SLCO1B1: variants seen among roughly 807,000 people sequenced by gnomAD.
The protein encoded by SLCO1B1 is OATP-2.
SLCO1B1 carries 81 observed loss-of-function variants against 70.1 expected under a neutral mutation model. The observed-to-expected ratio is 1.16, with a 90% CI of 0.97 to 1.39. The LOEUF (loss-of-function observed/expected upper bound fraction) is 1.39, where lower values mean the gene tolerates loss of function less well. Ranked by LOEUF, SLCO1B1 falls within the 40% of genes most tolerant of loss-of-function variation. SLCO1B1 has a pLI of 0.00. For missense variants in SLCO1B1, 895 were observed against 799.6 expected, an observed-to-expected ratio of 1.12 and a Z score of -1.44; for synonymous variants, 283 against 271.5, an observed-to-expected ratio of 1.04 and a Z score of -0.42.
intron 2 of SLCO1B1, among the ~76,000 whole-genome samples, chr12:21,145,692 A>C (rs1940373848): frequency 6.6e-6 from 1 of 151,826 alleles, no homozygotes; most frequent in African/African-American, 2.4e-5. Flanking sequence ...TTGAGAATAC[A>C]TTCACTCCAA....
chr12:21,158,382 T>C (rs1031637621), intron 2 of SLCO1B1, among the ~76,000 whole-genome samples: 1 of 152,218 alleles, frequency 6.6e-6, no homozygotes, highest in African/African-American at 2.4e-5. Context: ...TTTTTCAAAA[T>C]GTATTTTTCA....
intron 2 of SLCO1B1, among the ~76,000 whole-genome samples, chr12:21,142,940 G>C (rs1237921713): frequency 6.6e-6 from 1 of 151,988 alleles, no homozygotes; most frequent in Non-Finnish European, 1.5e-5. Flanking sequence ...CAATAAAGAA[G>C]ACTAGAGCTA....
At chr12:21,160,332 G>A (rs1351508382) in intron 2 of SLCO1B1, among the ~76,000 whole-genome samples, 1 of 151,888 alleles carries the variant, frequency 6.6e-6, no homozygotes, top group African/African-American at 2.4e-5. Context: ...GCATGCCTAT[G>A]AACATTTGAT....
At chr12:21,202,339 C>T (rs1357861431) in intron 9 of SLCO1B1, 152 bp from the exon 10 acceptor site, 1 of 612,114 alleles carries the variant, frequency 1.6e-6, no homozygotes. Flanking sequence ...AACAAACATG[C>T]ACATTCTGCA....
intron 2 of SLCO1B1, among the ~76,000 whole-genome samples, chr12:21,167,633 C>T (rs1290573962): frequency 6.6e-6 from 1 of 152,000 alleles, no homozygotes; most frequent in African/African-American, 2.4e-5. Flanking sequence ...TTTAAGTGTA[C>T]AATTAAAAAG....
intron 13 of SLCO1B1, among the ~76,000 whole-genome samples, chr12:21,223,254 C>T (rs1054135910): frequency 6.6e-6 from 1 of 152,014 alleles, no homozygotes; most frequent in Non-Finnish European, 1.5e-5. Flanking sequence ...ATCTGTGGCA[C>T]GATGGAACCT....
intron 7 of SLCO1B1, among the ~76,000 whole-genome samples, chr12:21,180,426 C>T (rs1027810779): frequency 2.0e-5 from 3 of 152,152 alleles, no homozygotes; most frequent in African/African-American, 4.8e-5. Flanking sequence ...TTATTGTAAC[C>T]CTTCTCACAA....
At chr12:21,132,385 G>A (rs1030439563) in intron 1 of SLCO1B1, among the ~76,000 whole-genome samples, 1 of 152,152 alleles carries the variant, frequency 6.6e-6, no homozygotes, top group Non-Finnish European at 1.5e-5. Context: ...GGTATTTCCA[G>A]TTCTAGATCC....
Position 21,210,880 on chromosome 12 carries a change from G to A in SLCO1B1, c.1497+4847G>A, listed in dbSNP as rs1006260321. On this transcript the variant is annotated intron_variant, in intron 11 of 14. Coordinates refer to ENST00000256958, the MANE Select transcript of SLCO1B1 (RefSeq NM_006446.5). The stretch of plus-strand genomic sequence containing the variant: ...TCTGTTTGTCTGTTGTTGGTGTATA[G>A]GAATGCTTGTGATTTTTGTACATTG... 6.0e-4 allele frequency among the ~76,000 whole-genome samples: 91 copies of A among 151,828 alleles called. No individual in the cohort carries two copies. In the Middle Eastern group the frequency reaches 0.01, roughly 17 times the overall value.
chr12:21,226,235 A>G (rs1941481130), intron 14 of SLCO1B1, among the ~76,000 whole-genome samples: 1 of 151,782 alleles, frequency 6.6e-6, no homozygotes, highest in African/African-American at 2.4e-5. Context: ...ACAACATGAC[A>G]AAACCCTGTC....
At chr12:21,210,732 TC>T (rs1941272753) in intron 11 of SLCO1B1, among the ~76,000 whole-genome samples, 2 of 148,690 alleles carry the variant, frequency 1.3e-5, no homozygotes, top group African/African-American at 5.0e-5. Flanking sequence ...CTCTTTTATT[TC>T]CTTGAGCAGT....
intron 2 of SLCO1B1, among the ~76,000 whole-genome samples, chr12:21,171,524 G>A (rs1165836424): frequency 6.6e-6 from 1 of 152,172 alleles, no homozygotes; most frequent in Non-Finnish European, 1.5e-5. Context: ...TAGCTACTTT[G>A]TTGAGAAGAG....
At chr12:21,175,739 AT>A (rs1010917776) in intron 4 of SLCO1B1, among the ~76,000 whole-genome samples, 1 of 150,690 alleles carries the variant, frequency 6.6e-6, no homozygotes, top group Non-Finnish European at 1.5e-5. Flanking sequence ...CATCATGTCC[AT>A]TTTTTTTCAT....
chr12:21,214,113 A>T (rs4322445), intron 11 of SLCO1B1, among the ~76,000 whole-genome samples: 2 of 151,870 alleles, frequency 1.3e-5, no homozygotes, highest in Non-Finnish European at 2.9e-5. Flanking sequence ...GAGGAACTGC[A>T]TTCCTTTGGA....
At chr12:21,178,889 G>A (rs374733212) in intron 6 of SLCO1B1, 33 bp from the exon 7 acceptor site, 4 of 1,481,932 alleles carry the variant, frequency 2.7e-6, no homozygotes, top group Non-Finnish European at 3.8e-6. Context: ...TGCATTCTTG[G>A]CATCTAGTAA....
At chr12:21,223,091 A>G (rs1016988430) in intron 13 of SLCO1B1, among the ~76,000 whole-genome samples, 6 of 152,128 alleles carry the variant, frequency 3.9e-5, no homozygotes, top group Non-Finnish European at 7.4e-5. Flanking sequence ...CTGGGTGACA[A>G]AAGCTTAAAG....
intron 2 of SLCO1B1, among the ~76,000 whole-genome samples, chr12:21,153,923 G>A (rs577140364): frequency 7.9e-5 from 12 of 151,948 alleles, no homozygotes; most frequent in East Asian, 3.9e-4. Context: ...GAATTTCTTC[G>A]TGATTTAGGA....
intron 1 of SLCO1B1, 103 bp downstream of exon 1, chr12:21,131,339 T>C (rs1283445213): frequency 6.6e-6 from 1 of 152,078 alleles, no homozygotes; most frequent in Non-Finnish European, 1.5e-5. Context: ...AATTTTATGC[T>C]CTGTGTCTTC....
chr12:21,166,636 C>A (rs949038029), intron 2 of SLCO1B1, among the ~76,000 whole-genome samples: 1 of 152,004 alleles, frequency 6.6e-6, no homozygotes, highest in Non-Finnish European at 1.5e-5. Flanking sequence ...AAAAATATAC[C>A]AAATACTGGC....
Sources: allele counts gnomAD v4.1 joint callset (sites outside exome capture counted in the v4.1 genomes callset), GRCh38; gene constraint gnomAD v4.1.1; transcripts MANE v1.5; gene names NCBI Gene and HGNC (gene_info 2026-07-23, HGNC 2026-07-21).